GRB14: variants seen among roughly 807,000 people sequenced by gnomAD.
GRB14 encodes the protein growth factor receptor-bound protein 14.
GRB14 carries 38 observed loss-of-function variants against 69.1 expected under a neutral mutation model. The ratio of observed to expected loss-of-function variants is 0.55; its 90% CI spans 0.42 to 0.72. The LOEUF (loss-of-function observed/expected upper bound fraction) is 0.72, where lower values mean the gene tolerates loss of function less well. Among genes scored for constraint, GRB14 ranks in the 30% least tolerant of loss-of-function variants. GRB14 has a pLI of 0.00. For missense variants in GRB14, 666 were observed against 666.1 expected (o/e 1.00, Z 0.00); for synonymous variants, 247 against 241.3 (o/e 1.02, Z -0.22).
At chr2:164,532,121 C>T (rs540982250) in intron 3 of GRB14, among the ~76,000 whole-genome samples, 1 of 152,256 alleles carries the variant, frequency 6.6e-6, no homozygotes, top group South Asian at 2.1e-4. Context: ...ATTTACATGT[C>T]CCAACAGAGT....
At chr2:164,503,125 T>C (rs988142806) in intron 8 of GRB14, among the ~76,000 whole-genome samples, 1 of 146,170 alleles carries the variant, frequency 6.8e-6, no homozygotes, top group Non-Finnish European at 1.5e-5. Context: ...GGTTTCCACA[T>C]CTGAATTTGG....
chr2:164,596,883 T>G (rs1334845770), intron 2 of GRB14, among the ~76,000 whole-genome samples: 1 of 152,150 alleles, frequency 6.6e-6, no homozygotes, highest in Non-Finnish European at 1.5e-5. Flanking sequence ...AGAACTATAG[T>G]TCATTTGTCA....
At chr2:164,571,873 G>A (rs558455368) in intron 2 of GRB14, among the ~76,000 whole-genome samples, 1 of 152,294 alleles carries the variant, frequency 6.6e-6, no homozygotes, top group South Asian at 2.1e-4. Flanking sequence ...TACAACATGT[G>A]TTTCCACATT....
At chr2:164,545,463 A>G (rs1244500535) in intron 3 of GRB14, among the ~76,000 whole-genome samples, 1 of 152,206 alleles carries the variant, frequency 6.6e-6, no homozygotes, top group Non-Finnish European at 1.5e-5. Flanking sequence ...ATATGACCAC[A>G]GTGGCAGAGA....
chr2:164,524,290 A>G (rs2105285381), intron 5 of GRB14, among the ~76,000 whole-genome samples: 1 of 152,202 alleles, frequency 6.6e-6, no homozygotes, highest in Non-Finnish European at 1.5e-5. Context: ...CCTGTAAAAA[A>G]CAACTGTAGA....
At chr2:164,571,144 C>T (rs926232886) in intron 2 of GRB14, among the ~76,000 whole-genome samples, 2 of 152,156 alleles carry the variant, frequency 1.3e-5, no homozygotes, top group East Asian at 3.9e-4. Flanking sequence ...TATCTTACTT[C>T]CTAGTTATTT....
intron 9 of GRB14, among the ~76,000 whole-genome samples, chr2:164,501,769 C>T (rs547853359): frequency 6.6e-6 from 1 of 152,096 alleles, no homozygotes; most frequent in East Asian, 1.9e-4. Flanking sequence ...TGCAAAAGAG[C>T]TCACATGTGT....
At chr2:164,612,212 T>G (rs577730261) in intron 2 of GRB14, among the ~76,000 whole-genome samples, 1 of 152,340 alleles carries the variant, frequency 6.6e-6, no homozygotes, top group African/African-American at 2.4e-5. Context: ...ATTTTAAGGC[T>G]TTGGCCTGAC....
At chr2:164,619,957 G>T (rs1402275291) in intron 1 of GRB14, 138 bp from the exon 2 acceptor site, 3 of 643,654 alleles carry the variant, frequency 4.7e-6, no homozygotes, top group Non-Finnish European at 8.0e-6. Context: ...ATATAGAAAA[G>T]GTCTGTGATG....
intron 2 of GRB14, among the ~76,000 whole-genome samples, chr2:164,558,272 G>A (rs775449886): frequency 4.6e-5 from 7 of 152,144 alleles, no homozygotes; most frequent in Non-Finnish European, 8.8e-5. Context: ...CAACTCAAGT[G>A]GGGGTTCAAT....
chr2:164,564,042 C>T (rs949305133), intron 2 of GRB14, among the ~76,000 whole-genome samples: 1 of 152,038 alleles, frequency 6.6e-6, no homozygotes, highest in Non-Finnish European at 1.5e-5. Context: ...AAGGTGGGTC[C>T]ACTGATACTA....
At chr2:164,584,662 T>A (rs1481038301) in intron 2 of GRB14, among the ~76,000 whole-genome samples, 2 of 152,068 alleles carry the variant, frequency 1.3e-5, no homozygotes, top group Non-Finnish European at 2.9e-5. Flanking sequence ...CAAAGGAATA[T>A]GTTGACTTGC....
chr2:164,501,945 C>T (rs1219108757), intron 9 of GRB14, among the ~76,000 whole-genome samples: 1 of 151,804 alleles, frequency 6.6e-6, no homozygotes, highest in Non-Finnish European at 1.5e-5. Flanking sequence ...TTTTTAAGAT[C>T]TAATCTTCAA....
intron 2 of GRB14, among the ~76,000 whole-genome samples, chr2:164,589,342 T>C (rs1227560222): frequency 6.6e-6 from 1 of 152,198 alleles, no homozygotes; most frequent in African/African-American, 2.4e-5. Context: ...TTTGATATCC[T>C]ATATCCTTTG....
At chr2:164,597,079 T>C (rs1558876646) in intron 2 of GRB14, among the ~76,000 whole-genome samples, 1 of 152,224 alleles carries the variant, frequency 6.6e-6, no homozygotes, top group Non-Finnish European at 1.5e-5. Context: ...CACTGTTTGG[T>C]TGTATCCCAA....
intron 3 of GRB14, among the ~76,000 whole-genome samples, chr2:164,532,108 G>C (rs572089034): frequency 6.6e-6 from 1 of 152,234 alleles, no homozygotes; most frequent in East Asian, 1.9e-4. Flanking sequence ...TATCCCTCTG[G>C]GGATTTACAT....
At chr2:164,609,752 C>T (rs1690123434) in intron 2 of GRB14, among the ~76,000 whole-genome samples, 1 of 152,096 alleles carries the variant, frequency 6.6e-6, no homozygotes, top group African/African-American at 2.4e-5. Flanking sequence ...AAGAAGTTAT[C>T]CCTCAAGGGT....
intron 3 of GRB14, chr2:164,540,021 C>T (rs561333251): frequency 6.6e-6 from 1 of 152,198 alleles, no homozygotes; most frequent in African/African-American, 2.4e-5. Context: ...TTTTCTCTCA[C>T]TCAGTGTAAA....
chr2:164,528,175 A>G (rs1687830465), intron 3 of GRB14, among the ~76,000 whole-genome samples: 1 of 152,080 alleles, frequency 6.6e-6, no homozygotes, highest in South Asian at 2.1e-4. Context: ...GGGGGCATGA[A>G]CGGAATCACT....
Sources: allele counts gnomAD v4.1 joint callset (sites outside exome capture counted in the v4.1 genomes callset), GRCh38; gene constraint gnomAD v4.1.1; transcripts MANE v1.5; gene names NCBI Gene and HGNC (gene_info 2026-07-23, HGNC 2026-07-21).